Variants in REEP1 observed in about 807,000 individuals in gnomAD.
REEP1 encodes receptor expression-enhancing protein 1.
In REEP1, 22 loss-of-function variants were observed where a neutral mutation model predicts 40.3. The ratio of observed to expected loss-of-function variants is 0.55; its 90% CI spans 0.39 to 0.78. The LOEUF is 0.78. Among genes scored for constraint, REEP1 ranks in the 30% least tolerant of loss-of-function variants. The pLI, the probability that REEP1 is intolerant of heterozygous loss-of-function variation, is 0.00. For missense variants in REEP1, 280 were observed against 361.1 expected (o/e 0.78, Z 1.82); for synonymous variants, 116 against 139.2 (o/e 0.83, Z 1.17).
chr2:86,251,943 T>G lies in REEP1; in HGVS notation c.417+14A>C. 4.4e-6 allele frequency: 7 copies of G among 1,590,764 alleles called. No homozygotes were observed. Among genetic ancestry groups the G allele is most frequent in the Non-Finnish European group, 6.0e-6 (7 of 1,159,408 alleles). ...ACTGAGACTCATGTAGTTGTGGTAC[T>G]TCCAGCACAGTACCTTGGAAGCAGC... On this transcript the variant is annotated intron_variant, in intron 5 of 8. Coordinates refer to ENST00000538924, the MANE Select transcript of REEP1 (RefSeq NM_001371279.1).
chr2:86,285,839 C>T (rs1055151080), intron 1 of REEP1, among the ~76,000 whole-genome samples: 3 of 152,070 alleles, frequency 2.0e-5, no homozygotes, highest in Admixed American at 1.3e-4. Context: ...ACGTAACTTT[C>T]TAGGAAGTCA....
chr2:86,325,057 A>C (rs1680441498), intron 1 of REEP1, among the ~76,000 whole-genome samples: 1 of 152,170 alleles, frequency 6.6e-6, no homozygotes, highest in Non-Finnish European at 1.5e-5. Context: ...TACTTTTTGC[A>C]AATCAAGGAG....
chr2:86,293,207 T>C (rs752893907), intron 1 of REEP1, among the ~76,000 whole-genome samples: 18 of 152,244 alleles, frequency 1.2e-4, no homozygotes, highest in Admixed American at 2.0e-4. Flanking sequence ...TGGATTCAAA[T>C]GCTCTATCTG....
chr2:86,270,608 C>G (rs1390696610), intron 2 of REEP1, among the ~76,000 whole-genome samples: 1 of 152,118 alleles, frequency 6.6e-6, no homozygotes, highest in Non-Finnish European at 1.5e-5. Flanking sequence ...AAAAAAGAAA[C>G]AAATGATATC....
intron 1 of REEP1, among the ~76,000 whole-genome samples, chr2:86,336,442 C>T (rs1446821274): frequency 1.3e-5 from 2 of 152,098 alleles, no homozygotes; most frequent in African/African-American, 4.8e-5. Flanking sequence ...TCCAGAGCCC[C>T]GTGTTCTCAG....
intron 2 of REEP1, among the ~76,000 whole-genome samples, chr2:86,270,825 C>T (rs1351714734): frequency 6.6e-6 from 1 of 151,654 alleles, no homozygotes; most frequent in Non-Finnish European, 1.5e-5. Flanking sequence ...AATAGGAATT[C>T]CAGAAGGAAA....
intron 5 of REEP1, 97 bp downstream of exon 5, chr2:86,251,860 T>G (rs761938198): frequency 1.2e-6 from 1 of 866,066 alleles, no homozygotes; most frequent in Non-Finnish European, 2.0e-6. Flanking sequence ...AAACCACTGA[T>G]TGGTCCTTAG....
At chr2:86,316,643 G>T (rs1488778282) in intron 1 of REEP1, among the ~76,000 whole-genome samples, 2 of 151,502 alleles carry the variant, frequency 1.3e-5, no homozygotes, top group Non-Finnish European at 2.9e-5. Flanking sequence ...CAGATCACCT[G>T]AGGTCAGGAG....
At position 86,216,845 on chromosome 2, in the gene REEP1, C is replaced by G; in HGVS notation, c.*194G>C. The G allele has an allele frequency of 1.7e-6, 1 of 577,036 alleles. No homozygotes were observed. Among genetic ancestry groups the G allele is most frequent in the Non-Finnish European group, 3.1e-6 (1 of 323,604 alleles). 35.7% of individuals were successfully genotyped at this position (577,036 alleles called of 1,614,324 possible). Reference sequence around the variant, plus strand: ...CGCCCCTACTACCTTTCCCTTTAGCCTCTCCCCAGCAAAATAAAGAAAAGG... The same window carrying G: ...CGCCCCTACTACCTTTCCCTTTAGCGTCTCCCCAGCAAAATAAAGAAAAGG... On this transcript the variant is annotated 3_prime_UTR_variant, in exon 9 of 9. Transcript: ENST00000538924.
In REEP1 at chr2:86,214,684, A is replaced by G. The variant is rs1674009324; in HGVS notation, c.*2355T>C. The G allele has an allele frequency of 6.6e-6, 1 of 152,658 alleles. No individual in the cohort carries two copies. The highest frequency in any genetic ancestry group is 2.4e-5 in the African/African-American group (1 of 41,464). The allele number at this position is 152,658 out of a possible 1,614,324, so 9.5% of individuals were successfully genotyped here. ...GTAAACACATTTTGCCAGAAATATG[A>G]CAGCTGCTTTCAGTTGTACAGTGAG... On this transcript the variant is annotated 3_prime_UTR_variant, in exon 9 of 9. Coordinates refer to ENST00000538924, the MANE Select transcript of REEP1 (RefSeq NM_001371279.1).
chr2:86,290,224 CT>C (rs1316799560), intron 1 of REEP1, among the ~76,000 whole-genome samples: 1 of 151,948 alleles, frequency 6.6e-6, no homozygotes. Context: ...ATACACTCTT[CT>C]GAAAAAGGGA....
chr2:86,263,679 T>C (rs575054632), intron 3 of REEP1, among the ~76,000 whole-genome samples: 1 of 152,348 alleles, frequency 6.6e-6, no homozygotes, highest in African/African-American at 2.4e-5. Flanking sequence ...AACGTACGAA[T>C]GCTTCTTTAC....
intron 2 of REEP1, among the ~76,000 whole-genome samples, chr2:86,270,422 C>T (rs1317170610): frequency 1.3e-5 from 2 of 152,168 alleles, no homozygotes; most frequent in African/African-American, 4.8e-5. Flanking sequence ...TCTCAAACTG[C>T]TGACCTCAGG....
At chr2:86,322,077 TAA>T (rs1680293867) in intron 1 of REEP1, among the ~76,000 whole-genome samples, 1 of 152,246 alleles carries the variant, frequency 6.6e-6, no homozygotes, top group Non-Finnish European at 1.5e-5. Context: ...GAAATTTTAT[TAA>T]GATACTAAAT....
chr2:86,334,239 C>T (rs1311796447), intron 1 of REEP1, among the ~76,000 whole-genome samples: 1 of 152,204 alleles, frequency 6.6e-6, no homozygotes, highest in Admixed American at 6.5e-5. Flanking sequence ...AGGCCATCAG[C>T]TTGTTGTGAT....
chr2:86,310,417 A>AG (rs1679704805), intron 1 of REEP1, among the ~76,000 whole-genome samples: 1 of 152,204 alleles, frequency 6.6e-6, no homozygotes, highest in South Asian at 2.1e-4. Flanking sequence ...TAGGAGCAAT[A>AG]GGCCATACCA....
chr2:86,305,278 T>C (rs1679430187), intron 1 of REEP1, among the ~76,000 whole-genome samples: 1 of 152,164 alleles, frequency 6.6e-6, no homozygotes, highest in Admixed American at 6.5e-5. Flanking sequence ...AGCAGGCTTC[T>C]GTTACTTGCA....
chr2:86,281,356 G>T (rs1678078478), intron 2 of REEP1, among the ~76,000 whole-genome samples: 1 of 152,204 alleles, frequency 6.6e-6, no homozygotes, highest in Non-Finnish European at 1.5e-5. Flanking sequence ...TAGGGGCCGG[G>T]CACTGTGGCA....
At chr2:86,324,464 T>C (rs184921484) in intron 1 of REEP1, among the ~76,000 whole-genome samples, 1 of 152,300 alleles carries the variant, frequency 6.6e-6, no homozygotes, top group Non-Finnish European at 1.5e-5. Context: ...CCCATCAGAA[T>C]GGCAAAAATT....
Sources: allele counts gnomAD v4.1 joint callset (sites outside exome capture counted in the v4.1 genomes callset), GRCh38; gene constraint gnomAD v4.1.1; transcripts MANE v1.5; gene names NCBI Gene and HGNC (gene_info 2026-07-23, HGNC 2026-07-21).